EXT1: variants seen among roughly 807,000 people sequenced by gnomAD.
The protein encoded by EXT1 is exostosin-1.
Under a neutral mutation model 82.5 loss-of-function variants are expected in EXT1, and 20 were observed. The observed-to-expected ratio is 0.24, with a 90% confidence interval of 0.17 to 0.35. The LOEUF is 0.35. Among genes scored for constraint, EXT1 ranks in the 10% least tolerant of loss-of-function variants. The probability of loss-of-function intolerance (pLI) is 1.00; values close to 1 mark genes in which losing one functional copy is unlikely to be tolerated. For synonymous variants in EXT1, 348 were observed against 350.8 expected (o/e 0.99, Z 0.09); for missense variants, 757 against 936.5 (o/e 0.81, Z 2.50).
intron 1 of EXT1, among the ~76,000 whole-genome samples, chr8:117,856,418 C>T (rs1305830270): frequency 1.6e-5 from 2 of 125,108 alleles, no homozygotes; most frequent in African/African-American, 3.3e-5. Context: ...CCACGCCTGG[C>T]TAAATTTTTT....
rs17477350 is a variant in EXT1, at chr8:118,094,627, C to T, written c.962+15458G>A. On this transcript the variant is annotated intron_variant, in intron 1 of 10. Coordinates refer to ENST00000378204, the MANE Select transcript of EXT1 (RefSeq NM_000127.3). ...ATTATTACTCATTTAATCCCTGTAA[C>T]AGCAACCCTATGAAGTTGAAATTGT... 6.8e-3 allele frequency among the ~76,000 whole-genome samples: 1,037 copies of T among 152,316 alleles called. 7 individuals are homozygous for T. Among genetic ancestry groups the T allele is most frequent in the African/African-American group, 0.023 (963 of 41,562 alleles).
At chr8:117,981,278 T>C (rs1404811389) in intron 1 of EXT1, among the ~76,000 whole-genome samples, 3 of 152,198 alleles carry the variant, frequency 2.0e-5, no homozygotes. Context: ...AGTACAGTAA[T>C]TCAGACAGTA....
chr8:117,981,525 G>T (rs967129780), intron 1 of EXT1, among the ~76,000 whole-genome samples: 4 of 152,180 alleles, frequency 2.6e-5, no homozygotes, highest in Admixed American at 2.6e-4. Context: ...CATGGAGCTT[G>T]ATCCCATTGG....
At chr8:117,919,593 C>T (rs114271118) in intron 1 of EXT1, among the ~76,000 whole-genome samples, 3,055 of 150,220 alleles carry the variant, frequency 0.02, 100 homozygotes, top group African/African-American at 0.072. Flanking sequence ...CAGCTTCAAA[C>T]TCCTGGGCTC....
intron 1 of EXT1, among the ~76,000 whole-genome samples, chr8:117,868,256 T>C (rs950976825): frequency 6.6e-6 from 1 of 152,180 alleles, no homozygotes; most frequent in African/African-American, 2.4e-5. Flanking sequence ...TTCCCTCACC[T>C]ATTCCCTTAT....
At chr8:118,002,522 A>ATTTTTT (rs1815690914) in intron 1 of EXT1, among the ~76,000 whole-genome samples, 1 of 124,596 alleles carries the variant, frequency 8.0e-6, no homozygotes, top group African/African-American at 3.1e-5. Flanking sequence ...CAGTGTGAAT[A>ATTTTTT]TTTTTCTTTT....
In EXT1 at chr8:117,835,727, G is replaced by A. The variant is rs555993241; in HGVS notation, c.1057-176C>T. Among the ~76,000 whole-genome samples the A allele has an allele frequency of 2.0e-5, 3 of 152,330 alleles. No individual in the cohort carries two copies. The East Asian group carries it at 5.8e-4, about 29-fold the overall frequency. On this transcript the variant is annotated intron_variant, in intron 2 of 10. Coordinates refer to ENST00000378204, the MANE Select transcript of EXT1 (RefSeq NM_000127.3). ...TGAGTTATCAAGTCACACGAAGGTT[G>A]TACGTATCCAGACTAGATTTTAATA...
intron 1 of EXT1, among the ~76,000 whole-genome samples, chr8:118,049,459 A>T (rs1816682399): frequency 6.6e-6 from 1 of 152,186 alleles, no homozygotes; most frequent in Non-Finnish European, 1.5e-5. Context: ...CAAAGCTCCG[A>T]CTTTGCAAGG....
chr8:118,099,988 G>A (rs1586273717), intron 1 of EXT1, among the ~76,000 whole-genome samples: 1 of 152,184 alleles, frequency 6.6e-6, no homozygotes, highest in East Asian at 1.9e-4. Context: ...TAAATCAAGA[G>A]TGGCAACATG....
intron 1 of EXT1, among the ~76,000 whole-genome samples, chr8:117,924,434 A>G (rs1350474790): frequency 6.6e-6 from 1 of 152,230 alleles, no homozygotes; most frequent in Admixed American, 6.5e-5. Flanking sequence ...TTGCACTGCT[A>G]ACAAAACCTA....
chr8:118,064,511 C>A (rs1816941530), intron 1 of EXT1, among the ~76,000 whole-genome samples: 1 of 152,196 alleles, frequency 6.6e-6, no homozygotes. Context: ...CATGAACTCA[C>A]CCTTTTTTAT....
intron 1 of EXT1, among the ~76,000 whole-genome samples, chr8:118,013,884 T>C (rs1435211685): frequency 6.6e-6 from 1 of 152,212 alleles, no homozygotes; most frequent in Non-Finnish European, 1.5e-5. Flanking sequence ...ACTCTTGTCA[T>C]GTAAAGATCT....
intron 1 of EXT1, among the ~76,000 whole-genome samples, chr8:118,088,808 A>G (rs1261238541): frequency 6.6e-6 from 1 of 152,002 alleles, no homozygotes; most frequent in Non-Finnish European, 1.5e-5. Flanking sequence ...TGTACTCACT[A>G]GTGCCAAGAG....
At chr8:117,870,823 T>TCACACACACACACACACACA (rs59973422) in intron 1 of EXT1, among the ~76,000 whole-genome samples, 2,120 of 146,806 alleles carry the variant, frequency 0.014, 55 homozygotes, top group African/African-American at 0.051. Flanking sequence ...AAATGCTTTG[T>TCACACACACACACACACACA]CACACACACA....
chr8:117,875,240 A>G (rs1812947107), intron 1 of EXT1, among the ~76,000 whole-genome samples: 1 of 152,010 alleles, frequency 6.6e-6, no homozygotes, highest in South Asian at 2.1e-4. Context: ...AACGTGCTGA[A>G]ACCCCATCTC....
intron 1 of EXT1, among the ~76,000 whole-genome samples, chr8:118,044,223 C>G (rs775301569): frequency 1.3e-5 from 2 of 152,086 alleles, no homozygotes; most frequent in Non-Finnish European, 2.9e-5. Flanking sequence ...AAAATAACAC[C>G]ACAAACTTGT....
chr8:118,100,010 G>A (rs529854828), intron 1 of EXT1, among the ~76,000 whole-genome samples: 10 of 152,226 alleles, frequency 6.6e-5, no homozygotes, highest in African/African-American at 2.2e-4. Flanking sequence ...CAGGGCAGTC[G>A]TTTCACTGAC....
At chr8:117,873,702 C>T (rs550191308) in intron 1 of EXT1, among the ~76,000 whole-genome samples, 17 of 152,134 alleles carry the variant, frequency 1.1e-4, no homozygotes, top group Non-Finnish European at 1.9e-4. Context: ...GTGATCTGCC[C>T]GCCTTGGACT....
At chr8:118,074,985 C>G (rs1817181157) in intron 1 of EXT1, among the ~76,000 whole-genome samples, 1 of 151,930 alleles carries the variant, frequency 6.6e-6, no homozygotes, top group South Asian at 2.1e-4. Flanking sequence ...AGATACCAGT[C>G]TCATTCATTT....
Sources: gnomAD v4.1 joint callset for allele counts (sites outside exome capture counted in the v4.1 genomes callset) on GRCh38, gnomAD v4.1.1 for gene constraint, MANE v1.5 for transcripts, NCBI Gene and HGNC (gene_info 2026-07-23, HGNC 2026-07-21) for gene names.